The following UBR2 variants were observed in gnomAD, a reference collection of about 807,000 sequenced individuals.
UBR2 encodes the protein E3 ubiquitin-protein ligase UBR2.
A neutral mutation model predicts 247.9 loss-of-function variants in UBR2; 92 were observed. The ratio of observed to expected loss-of-function variants is 0.37; its 90% CI spans 0.31 to 0.44. The LOEUF is 0.44. Among genes scored for constraint, UBR2 ranks in the 20% least tolerant of loss-of-function variants. UBR2 has a pLI of 1.00. For synonymous variants in UBR2, 672 were observed against 693.5 expected (o/e 0.97, Z 0.49); for missense variants, 1,613 against 2,112.6 (o/e 0.76, Z 4.64).
At chr6:42,667,520 A>C (rs1798172867) in intron 34 of UBR2, among the ~76,000 whole-genome samples, 1 of 148,876 alleles carries the variant, frequency 6.7e-6, no homozygotes, top group Non-Finnish European at 1.5e-5. Context: ...TTTACATTAT[A>C]ATAACTGTGT....
intron 2 of UBR2, among the ~76,000 whole-genome samples, chr6:42,575,116 T>C (rs1282806546): frequency 6.6e-6 from 1 of 152,254 alleles, no homozygotes; most frequent in African/African-American, 2.4e-5. Flanking sequence ...TTTCTGTATT[T>C]AACCATAGCT....
chr6:42,662,131 A>G, intron 30 of UBR2, 53 bp from the exon 31 acceptor site: 1 of 1,172,310 alleles, frequency 8.5e-7, no homozygotes, highest in Non-Finnish European at 1.2e-6. Flanking sequence ...CATTTGTTAT[A>G]GGAAAATTAA....
At chr6:42,680,526 A>T (rs757069914) in intron 42 of UBR2, among the ~76,000 whole-genome samples, 2 of 151,980 alleles carry the variant, frequency 1.3e-5, no homozygotes, top group Non-Finnish European at 2.9e-5. Flanking sequence ...CATTCCTCCC[A>T]CCTCAGCCTC....
chr6:42,676,203 CT>C lies in UBR2; in HGVS notation c.4387+17del. The C allele has an allele frequency of 6.5e-7, 1 of 1,547,712 alleles. No homozygotes were observed. Among genetic ancestry groups the C allele is most frequent in the South Asian group, 1.2e-5 (1 of 80,430 alleles). ...TACCTCATGTACAGGTAACTCTTGC[CT>C]TTTTGTCAGTTTCTTGAAGGAAATA... is the stretch of plus-strand genomic sequence containing the variant. On this transcript the variant is annotated intron_variant, in intron 39 of 46. Transcript: ENST00000372901.
At chr6:42,606,915 T>C (rs956938882) in intron 7 of UBR2, among the ~76,000 whole-genome samples, 1 of 152,160 alleles carries the variant, frequency 6.6e-6, no homozygotes, top group Non-Finnish European at 1.5e-5. Flanking sequence ...CTTTCTGTTT[T>C]GTTTTTAATT....
chr6:42,658,393 A>G, intron 28 of UBR2, 73 bp downstream of exon 28: 2 of 1,385,970 alleles, frequency 1.4e-6, no homozygotes, highest in South Asian at 1.3e-5. Flanking sequence ...AAATTTATCT[A>G]CATTAAGTTG....
intron 15 of UBR2, among the ~76,000 whole-genome samples, chr6:42,638,699 T>C (rs1489706802): frequency 6.6e-6 from 1 of 151,880 alleles, no homozygotes; most frequent in Non-Finnish European, 1.5e-5. Flanking sequence ...AAGTGAGGCA[T>C]GCGTGTGGAA....
chr6:42,638,970 G>A (rs143478624), intron 15 of UBR2, among the ~76,000 whole-genome samples: 57 of 152,250 alleles, frequency 3.7e-4, no homozygotes, highest in African/African-American at 1.2e-3. Flanking sequence ...CAAAGCTGTC[G>A]TGTGAATATT....
At chr6:42,642,274 T>C (rs1796494433) in intron 17 of UBR2, 142 bp from the exon 18 acceptor site, 2 of 637,650 alleles carry the variant, frequency 3.1e-6, no homozygotes, top group Admixed American at 5.7e-5. Flanking sequence ...AATTAATCTT[T>C]ACTAAGATAA....
chr6:42,677,970 G>C (rs1242074081), intron 40 of UBR2, among the ~76,000 whole-genome samples: 1 of 151,796 alleles, frequency 6.6e-6, no homozygotes, highest in Non-Finnish European at 1.5e-5. Flanking sequence ...TGAGGTGGGA[G>C]GATTGCTGGA....
chr6:42,565,402 G>A (rs767048127), intron 1 of UBR2, among the ~76,000 whole-genome samples: 1 of 152,178 alleles, frequency 6.6e-6, no homozygotes, highest in Non-Finnish European at 1.5e-5. Flanking sequence ...TTTGGGATTG[G>A]GGGCACTGTG....
rs1260241442 is a variant in UBR2, at chr6:42,667,762, CTTTTTTTT to C, written c.3881+1525_3881+1532del. ...TCTATCCAATGTCTAACAACTTTTTCTTTTTTTTTTTTTTTGAGACAGAGTCTCACTCT... is the reference window on the plus strand; with the variant it reads ...TCTATCCAATGTCTAACAACTTTTTCTTTTTTTGAGACAGAGTCTCACTCT... On this transcript the variant is annotated intron_variant, in intron 34 of 46. Transcript: ENST00000372901. Among the ~76,000 whole-genome samples the C allele has an allele frequency of 2.4e-4, 16 of 67,114 alleles. No individual in the cohort carries two copies. The Admixed American group carries it at 2.5e-3, about 11-fold the overall frequency. The allele number at this position is 67,114 out of a possible 152,430, so 44.0% of individuals were successfully genotyped here. A position where few individuals can be genotyped will look rare whatever the true frequency, so the allele number is the denominator to read the frequency against.
chr6:42,688,276 T>G lies in UBR2; in HGVS notation c.4914T>G (p.Ser1638=). Reference sequence around the variant, plus strand: ...CAACTCTGTGCCTTGTGTGCGGATCTCTGCTGTGCTCCCAGAGTTACTGCT... The same window carrying G: ...CAACTCTGTGCCTTGTGTGCGGATCGCTGCTGTGCTCCCAGAGTTACTGCT... ...RAPTLCLVCG[S]LLCSQSYCCQ... Residue 1638 remains serine, a synonymous_variant, in exon 45 of 47, where the codon TCT becomes TCG. Transcript: ENST00000372901. 1 of 1,614,148 alleles carries G rather than the reference T, an allele frequency of 6.2e-7. No individual in the cohort carries two copies. The highest frequency in any genetic ancestry group is 8.5e-7 in the Non-Finnish European group (1 of 1,180,024).
At chr6:42,620,296 G>A (rs1794890259) in intron 11 of UBR2, 1 of 152,480 alleles carries the variant, frequency 6.6e-6, no homozygotes, top group African/African-American at 2.4e-5. Flanking sequence ...TATGTTTATT[G>A]GCATTTGGAT....
chr6:42,577,813 G>A (rs1198416218), intron 2 of UBR2, among the ~76,000 whole-genome samples: 1 of 151,952 alleles, frequency 6.6e-6, no homozygotes. Flanking sequence ...TGGCATTGGG[G>A]GCGGGGGTGG....
rs143223806 is a variant in UBR2, at chr6:42,627,216, AC to A, written c.1282-5334del. On this transcript the variant is annotated intron_variant, in intron 11 of 46. Transcript: ENST00000372901. ...TCAGTTCCTAGGTGGGGGCCATAAG[AC>A]CAGATAAGCCAGTTTACCAGTCTGG... Among the ~76,000 whole-genome samples, 285 of 152,186 alleles carry A rather than the reference AC, an allele frequency of 1.9e-3. 6 individuals are homozygous for A. In the East Asian group the frequency reaches 0.053, roughly 28 times the overall value.
intron 11 of UBR2, among the ~76,000 whole-genome samples, chr6:42,623,730 G>A (rs1335209169): frequency 6.6e-6 from 1 of 152,130 alleles, no homozygotes; most frequent in African/African-American, 2.4e-5. Flanking sequence ...GATTACAGGC[G>A]TGAGCCACTG....
chr6:42,614,671 C>G (rs1404523621), intron 8 of UBR2, among the ~76,000 whole-genome samples: 1 of 152,012 alleles, frequency 6.6e-6, no homozygotes, highest in East Asian at 1.9e-4. Context: ...TCATGCATTC[C>G]TCCTTTTAAA....
chr6:42,628,671 C>A (rs2151948223), intron 11 of UBR2, among the ~76,000 whole-genome samples: 1 of 144,632 alleles, frequency 6.9e-6, no homozygotes, highest in South Asian at 2.2e-4. Flanking sequence ...TGCAGTGAGC[C>A]AAGATCATGC....
Sources: gnomAD v4.1 joint callset for allele counts (sites outside exome capture counted in the v4.1 genomes callset) on GRCh38, gnomAD v4.1.1 for gene constraint, MANE v1.5 for transcripts, NCBI Gene and HGNC (gene_info 2026-07-23, HGNC 2026-07-21) for gene names.